CASP4: variants seen among roughly 807,000 people sequenced by gnomAD.
The protein encoded by CASP4 is caspase-4.
Under a neutral mutation model 41.3 loss-of-function variants are expected in CASP4, and 29 were observed. That is an observed-to-expected ratio of 0.70 (90% CI 0.52 to 0.96). CASP4 has a LOEUF of 0.96. CASP4 is among the 40% of genes least tolerant of loss of function. The probability of loss-of-function intolerance (pLI) is 0.00; values close to 1 mark genes in which losing one functional copy is unlikely to be tolerated. For synonymous variants in CASP4, 185 were observed against 158.4 expected (o/e 1.17, Z -1.26); for missense variants, 447 against 460.6 (o/e 0.97, Z 0.27).
intron 1 of CASP4, among the ~76,000 whole-genome samples, chr11:104,960,083 C>T (rs778383471): frequency 3.3e-5 from 5 of 152,132 alleles, no homozygotes; most frequent in African/African-American, 4.8e-5. Flanking sequence ...TCATTACATT[C>T]AAAACGTTCT....
chr11:104,959,193 T>C (rs72978960), intron 1 of CASP4, among the ~76,000 whole-genome samples: 14,179 of 152,090 alleles, frequency 0.093, 1,111 homozygotes, highest in African/African-American at 0.21. Flanking sequence ...TAAATGTCTG[T>C]GGACAGATTA....
At chr11:104,945,932 C>T (rs140761711) in intron 7 of CASP4, among the ~76,000 whole-genome samples, 4 of 152,134 alleles carry the variant, frequency 2.6e-5, no homozygotes, top group East Asian at 1.9e-4. Flanking sequence ...TTGCAACCTC[C>T]GCTTCCTGAG....
At chr11:104,943,300 C>T (rs560656198) in intron 8 of CASP4, 2 of 262,626 alleles carry the variant, frequency 7.6e-6, no homozygotes, top group East Asian at 2.1e-4. Context: ...TTTCTCCACT[C>T]ACGTTCTCTT....
chr11:104,966,414 G>A (rs958750017), intron 1 of CASP4, among the ~76,000 whole-genome samples: 2 of 152,204 alleles, frequency 1.3e-5, no homozygotes, highest in Non-Finnish European at 2.9e-5. Context: ...GAAGTTTGCA[G>A]TCAAGTGGAA....
At chr11:104,956,660 A>G in intron 1 of CASP4, 4 of 985,052 alleles carry the variant, frequency 4.1e-6, no homozygotes, top group Non-Finnish European at 4.8e-6. Context: ...CTCAGAAAAC[A>G]TTAGTGCATT....
At position 104,947,175 on chromosome 11, in the gene CASP4, C is replaced by G. The variant is rs376998838; in HGVS notation, c.943G>C (p.Asp315His). 6.2e-7 allele frequency: 1 copy of G among 1,607,438 alleles called. No individual in the cohort carries two copies. ...SSTPHNVSWR[D>H]STMGSIFITQ... ...ATGAAGATAGAGCCCATTGTGCTGT[C>G]TCTCCAGGACACGTTGTCTATAATG... The change falls in exon 7 of 9, where the codon GAC becomes CAC. Residue 315 changes from aspartate (D) to histidine (H), a missense_variant. By Grantham distance (81) the Asp-to-His change is moderately conservative (BLOSUM62 -1). Coordinates refer to ENST00000444739, the MANE Select transcript of CASP4 (RefSeq NM_001225.4).
intron 2 of CASP4, among the ~76,000 whole-genome samples, chr11:104,952,886 A>T (rs2134643346): frequency 6.6e-6 from 1 of 152,260 alleles, no homozygotes; most frequent in African/African-American, 2.4e-5. Flanking sequence ...GTGATATATG[A>T]CCTTCGGTCC....
chr11:104,946,683 C>T (rs1357005613), intron 7 of CASP4: 5 of 153,204 alleles, frequency 3.3e-5, no homozygotes, highest in East Asian at 3.8e-4. Context: ...ATATCTCCCA[C>T]GAAAATGTGA....
chr11:104,948,496 G>A (rs767166389), intron 6 of CASP4, 37 bp downstream of exon 6: 2 of 1,532,556 alleles, frequency 1.3e-6, no homozygotes, highest in Non-Finnish European at 1.8e-6. Flanking sequence ...ATGGCCTCAG[G>A]CCCACAAATC....
chr11:104,946,547 A>C (rs1860464678), intron 7 of CASP4: 1 of 152,208 alleles, frequency 6.6e-6, no homozygotes. Context: ...AGAAGTAGCA[A>C]ACCTTTCCTT....
At chr11:104,963,422 G>A (rs1045135172) in intron 1 of CASP4, among the ~76,000 whole-genome samples, 18 of 152,162 alleles carry the variant, frequency 1.2e-4, no homozygotes, top group African/African-American at 4.3e-4. Context: ...TGACAACCAA[G>A]GAATTAAAAG....
At chr11:104,950,822 A>ACACACACACACACC (rs112827503) in intron 4 of CASP4, 103 bp downstream of exon 4, 12 of 1,022,792 alleles carry the variant, frequency 1.2e-5, no homozygotes, top group African/African-American at 4.9e-5. Context: ...ACACACACAC[A>ACACACACACACACC]CCCAAAGGTT....
At chr11:104,950,820 A>ACACACACACACC (rs1398826726) in intron 4 of CASP4, 105 bp downstream of exon 4, 18 of 1,004,986 alleles carry the variant, frequency 1.8e-5, no homozygotes, top group South Asian at 1.3e-4. Flanking sequence ...ACACACACAC[A>ACACACACACACC]CACCCAAAGG....
intron 2 of CASP4, among the ~76,000 whole-genome samples, chr11:104,952,625 A>G (rs1860643566): frequency 6.6e-6 from 1 of 152,172 alleles, no homozygotes; most frequent in South Asian, 2.1e-4. Context: ...TCCCCACTAC[A>G]CATACAGATA....
At position 104,949,793 on chromosome 11, in the gene CASP4, G is replaced by A. The variant is rs780404105; in HGVS notation, c.547-16C>T. On this transcript the variant is annotated splice_polypyrimidine_tract_variant and intron_variant, in intron 4 of 8. Transcript: ENST00000444739. Reference sequence around the variant, plus strand: ...ACTCCATATCCTGTAAAAGAGCAATGTCTAACTTCAGTCAGAGAAGCATCA... The same window carrying A: ...ACTCCATATCCTGTAAAAGAGCAATATCTAACTTCAGTCAGAGAAGCATCA... 5 of 1,610,102 alleles carry A rather than the reference G, an allele frequency of 3.1e-6. No individual in the cohort carries two copies. The highest frequency in any genetic ancestry group is 4.2e-6 in the Non-Finnish European group (5 of 1,176,736).
In CASP4 at chr11:104,947,064, C is replaced by G; in HGVS notation, c.1035+19G>C. On this transcript the variant is annotated intron_variant, in intron 7 of 8. Transcript: ENST00000444739. The stretch of plus-strand genomic sequence containing the variant: ...TCTTCCTGAAGAAATAAATGAGTAA[C>G]TAGAAAAGAGACACTTACCTTCCGA... The G allele has an allele frequency of 6.9e-7, 1 of 1,458,270 alleles. No individual in the cohort carries two copies. Among genetic ancestry groups the G allele is most frequent in the Non-Finnish European group, 9.6e-7 (1 of 1,042,302 alleles). 90.3% of individuals were successfully genotyped at this position (1,458,270 alleles called of 1,614,324 possible).
At chr11:104,967,063 A>G (rs1013125741) in intron 1 of CASP4, among the ~76,000 whole-genome samples, 1 of 152,240 alleles carries the variant, frequency 6.6e-6, no homozygotes, top group African/African-American at 2.4e-5. Context: ...AATCAATTAG[A>G]GGAAAAAACT....
intron 3 of CASP4, chr11:104,951,670 G>A (rs961787320): frequency 1.8e-6 from 1 of 567,518 alleles, no homozygotes. Flanking sequence ...AGGAGCAATA[G>A]AAATACCAAT....
At chr11:104,963,286 A>G (rs1860902593) in intron 1 of CASP4, among the ~76,000 whole-genome samples, 2 of 152,186 alleles carry the variant, frequency 1.3e-5, no homozygotes, top group African/African-American at 4.8e-5. Context: ...TAATGCACAC[A>G]TAAGAGGCAC....
Sources: allele counts gnomAD v4.1 joint callset (sites outside exome capture counted in the v4.1 genomes callset), GRCh38; gene constraint gnomAD v4.1.1; transcripts MANE v1.5; gene names NCBI Gene and HGNC (gene_info 2026-07-23, HGNC 2026-07-21).